Variants in CD109 observed in about 807,000 individuals in gnomAD.
CD109 encodes the protein CD109 antigen.
A neutral mutation model predicts 165.8 loss-of-function variants in CD109; 149 were observed. The observed-to-expected ratio is 0.90, with a 90% confidence interval of 0.79 to 1.03. CD109 has a LOEUF of 1.03. CD109 is among the 50% of genes least tolerant of loss of function. The pLI, the probability that CD109 is intolerant of heterozygous loss-of-function variation, is 0.00. For missense variants in CD109, 1,712 were observed against 1,677.8 expected (o/e 1.02, Z -0.36); for synonymous variants, 585 against 592.1 (o/e 0.99, Z 0.18).
chr6:73,805,858 G>C (rs1295707142), intron 24 of CD109, among the ~76,000 whole-genome samples: 5 of 152,152 alleles, frequency 3.3e-5, no homozygotes, highest in South Asian at 2.1e-4. Context: ...CACGGGGTTG[G>C]GGGTAAGGTT....
At chr6:73,791,168 T>TACACATACAC (rs1774935985) in intron 22 of CD109, among the ~76,000 whole-genome samples, 3 of 45,576 alleles carry the variant, frequency 6.6e-5, no homozygotes, top group African/African-American at 2.7e-4. Context: ...TATATATATA[T>TACACATACAC]ATATATATAC....
At chr6:73,711,080 G>A (rs892948800) in intron 2 of CD109, among the ~76,000 whole-genome samples, 6 of 152,168 alleles carry the variant, frequency 3.9e-5, no homozygotes, top group Non-Finnish European at 7.3e-5. Flanking sequence ...GGCCAGACTG[G>A]ATCTGTAGGC....
intron 20 of CD109, among the ~76,000 whole-genome samples, chr6:73,786,310 A>T (rs1774689029): frequency 6.6e-6 from 1 of 152,194 alleles, no homozygotes; most frequent in African/African-American, 2.4e-5. Context: ...CCCCAGAATA[A>T]GTAGAGATAC....
At chr6:73,718,494 T>A (rs1312783196) in intron 2 of CD109, among the ~76,000 whole-genome samples, 1 of 152,180 alleles carries the variant, frequency 6.6e-6, no homozygotes, top group African/African-American at 2.4e-5. Flanking sequence ...TTTTAAATTA[T>A]CAATTGAAAT....
intron 13 of CD109, among the ~76,000 whole-genome samples, chr6:73,767,713 A>G (rs1258100428): frequency 6.6e-6 from 1 of 152,202 alleles, no homozygotes; most frequent in Non-Finnish European, 1.5e-5. Flanking sequence ...AAATTATACA[A>G]TGTAAGAAAA....
chr6:73,801,383 G>C (rs1279696634), intron 23 of CD109, among the ~76,000 whole-genome samples: 1 of 152,228 alleles, frequency 6.6e-6, no homozygotes, highest in Non-Finnish European at 1.5e-5. Context: ...CTGAATGAAA[G>C]TTGGCTAATT....
At chr6:73,807,412 A>G (rs1172121721) in intron 25 of CD109, among the ~76,000 whole-genome samples, 1 of 152,234 alleles carries the variant, frequency 6.6e-6, no homozygotes, top group Non-Finnish European at 1.5e-5. Flanking sequence ...AATGTGTTCT[A>G]GCAAGTTTAG....
chr6:73,779,483 C>T (rs1774390696), intron 15 of CD109, among the ~76,000 whole-genome samples: 3 of 152,118 alleles, frequency 2.0e-5, no homozygotes, highest in Admixed American at 2.0e-4. Context: ...CTCCTGACCT[C>T]ATGATCCGCC....
chr6:73,781,371 C>T, intron 17 of CD109, 52 bp downstream of exon 17: 1 of 1,403,654 alleles, frequency 7.1e-7, no homozygotes, highest in Non-Finnish European at 1.0e-6. Context: ...TGATATTCAA[C>T]ATTACTTATA....
intron 23 of CD109, among the ~76,000 whole-genome samples, chr6:73,802,255 A>ATGTGTG (rs750794050): frequency 0.013 from 1,572 of 117,822 alleles, 36 homozygotes; most frequent in African/African-American, 0.042. Flanking sequence ...GAGCATGTGT[A>ATGTGTG]TATGTGTGTG....
intron 2 of CD109, among the ~76,000 whole-genome samples, chr6:73,701,967 T>C (rs1192102247): frequency 6.6e-6 from 1 of 152,082 alleles, no homozygotes; most frequent in African/African-American, 2.4e-5. Flanking sequence ...AAACCTAAAC[T>C]GAAAATGCCT....
intron 31 of CD109, 151 bp downstream of exon 31, chr6:73,818,686 C>T: frequency 1.4e-6 from 1 of 691,660 alleles, no homozygotes; most frequent in Non-Finnish European, 2.3e-6. Context: ...ATATATTTAT[C>T]TCCATTAGAA....
chr6:73,793,446 G>A (rs1367466201), intron 23 of CD109, among the ~76,000 whole-genome samples: 1 of 152,218 alleles, frequency 6.6e-6, no homozygotes, highest in African/African-American at 2.4e-5. Context: ...GCACTGTGTG[G>A]CAGGCAGTGT....
At chr6:73,691,038 C>T (rs61376024), upstream of CD109, among the ~76,000 whole-genome samples, 19,183 of 152,126 alleles carry the variant, frequency 0.13, 1,502 homozygotes, top group Admixed American at 0.21. Flanking sequence ...ATGTTTCTGC[C>T]GTGTTCCTCC....
intron 4 of CD109, among the ~76,000 whole-genome samples, chr6:73,731,246 A>G (rs1378002089): frequency 2.0e-5 from 3 of 152,190 alleles, no homozygotes; most frequent in Non-Finnish European, 2.9e-5. Context: ...GGGTTTCACC[A>G]TGTTGGTCAG....
intron 28 of CD109, among the ~76,000 whole-genome samples, chr6:73,811,392 A>G (rs1775754847): frequency 1.3e-5 from 2 of 152,110 alleles, no homozygotes; most frequent in South Asian, 4.1e-4. Flanking sequence ...ATGAACATAG[A>G]AACCTGTTGA....
At chr6:73,684,530 C>G in the CD109 span, among the ~76,000 whole-genome samples, 1 of 151,550 alleles carries the variant, frequency 6.6e-6, no homozygotes, top group Non-Finnish European at 1.5e-5. Context: ...CAACTTTTGT[C>G]TTTTTTTGAT....
At chr6:73,721,798 G>A (rs1771961046) in intron 2 of CD109, among the ~76,000 whole-genome samples, 1 of 152,052 alleles carries the variant, frequency 6.6e-6, no homozygotes, top group South Asian at 2.1e-4. Flanking sequence ...GTGCAGTGAT[G>A]TGATCTCAGC....
the CD109 span, among the ~76,000 whole-genome samples, chr6:73,681,241 T>C: frequency 1.3e-5 from 2 of 152,132 alleles, no homozygotes; most frequent in Non-Finnish European, 1.5e-5. Flanking sequence ...ATGTGATATA[T>C]GTGATGTTTG....
Sources: allele counts gnomAD v4.1 joint callset (sites outside exome capture counted in the v4.1 genomes callset), GRCh38; gene constraint gnomAD v4.1.1; transcripts MANE v1.5; gene names NCBI Gene and HGNC (gene_info 2026-07-23, HGNC 2026-07-21).